The following ATPAF1 variants were observed in gnomAD, a reference collection of about 807,000 sequenced individuals.
ATPAF1 encodes the protein ATP synthase mitochondrial F1 complex assembly factor 1.
A neutral mutation model predicts 43.9 loss-of-function variants in ATPAF1; 26 were observed. That is an observed-to-expected ratio of 0.59 (90% CI 0.43 to 0.82). The LOEUF (loss-of-function observed/expected upper bound fraction) is 0.82. Ranked by LOEUF, ATPAF1 falls within the 40% of genes least tolerant of loss-of-function variation. The pLI is 0.00. For synonymous variants in ATPAF1, 157 were observed against 168.0 expected, an observed-to-expected ratio of 0.93 and a Z score of 0.50; for missense variants, 366 against 435.0, an observed-to-expected ratio of 0.84 and a Z score of 1.41.
chr1:46,666,824 T>A (rs1392913302), intron 1 of ATPAF1, among the ~76,000 whole-genome samples: 3 of 152,208 alleles, frequency 2.0e-5, no homozygotes, highest in African/African-American at 7.2e-5. Context: ...TAAATGTTGA[T>A]GGGAATGATC....
Position 46,653,751 on chromosome 1 carries a change from C to T in ATPAF1, c.540+66G>A. The T allele has an allele frequency of 1.3e-6, 2 of 1,484,946 alleles. No homozygotes were observed. The highest frequency in any genetic ancestry group is 1.8e-6 in the Non-Finnish European group (2 of 1,081,812). 92.0% of individuals were successfully genotyped at this position (1,484,946 alleles called of 1,614,324 possible). ...AACATAGGAAAAGTAAAGGCAACTG[C>T]CTGCTAAGGTTAGAGAACTGACTTT... On this transcript the variant is annotated intron_variant, in intron 5 of 8. Coordinates refer to ENST00000574428, the Ensembl canonical transcript of ATPAF1. This position sits in a 1 kb window ranked among gnomAD's most constrained non-coding sequence, Gnocchi z 4.8.
chr1:46,647,047 G>A (rs1338693153), intron 6 of ATPAF1, among the ~76,000 whole-genome samples: 2 of 152,158 alleles, frequency 1.3e-5, no homozygotes, highest in African/African-American at 4.8e-5. Context: ...CTAGTCCACC[G>A]TGTGACTTCT....
chr1:46,638,511 A>G (rs1675885537), intron 8 of ATPAF1, among the ~76,000 whole-genome samples: 1 of 151,632 alleles, frequency 6.6e-6, no homozygotes, highest in African/African-American at 2.4e-5. Flanking sequence ...AGTCCCAGCT[A>G]CTCGGGAGGC....
intron 6 of ATPAF1, among the ~76,000 whole-genome samples, chr1:46,647,184 A>C (rs1569605742): frequency 1.3e-5 from 2 of 152,190 alleles, no homozygotes; most frequent in East Asian, 3.8e-4. Flanking sequence ...TGATGACTGT[A>C]TCCACCTACA....
intron 1 of ATPAF1, chr1:46,665,827 T>C: frequency 7.0e-7 from 1 of 1,433,528 alleles, no homozygotes; most frequent in Non-Finnish European, 9.1e-7. Context: ...AGGCTTTAGG[T>C]AGCCTATTTT....
chr1:46,660,028 G>A (rs1676358264), intron 2 of ATPAF1, among the ~76,000 whole-genome samples: 1 of 150,312 alleles, frequency 6.7e-6, no homozygotes, highest in African/African-American at 2.5e-5. Context: ...CTAGGCTGGA[G>A]TGCAGTGGCA....
In ATPAF1 at chr1:46,658,747, A is replaced by G. The variant is rs1388530506; in HGVS notation, c.376-10T>C. On this transcript the variant is annotated splice_polypyrimidine_tract_variant and intron_variant, in intron 2 of 8. Transcript: ENST00000574428. ...TCCCCAAGGCATCTGTCTGAAATATATAAGACAAGATATTAATCTACACTT... is the reference window on the plus strand; with the variant it reads ...TCCCCAAGGCATCTGTCTGAAATATGTAAGACAAGATATTAATCTACACTT... 1.9e-6 allele frequency: 3 copies of G among 1,574,206 alleles called. No individual in the cohort carries two copies. Among genetic ancestry groups the G allele is most frequent in the East Asian group, 4.6e-5 (2 of 43,330 alleles).
chr1:46,642,345 CTG>C (rs1408525659), intron 8 of ATPAF1, among the ~76,000 whole-genome samples: 2 of 152,198 alleles, frequency 1.3e-5, no homozygotes, highest in African/African-American at 4.8e-5. Context: ...GTAATGAAGA[CTG>C]TTAGGGGGAA....
chr1:46,662,126 C>T (rs574393066), intron 2 of ATPAF1, among the ~76,000 whole-genome samples: 2 of 152,254 alleles, frequency 1.3e-5, no homozygotes, highest in African/African-American at 4.8e-5. Context: ...AATCTCCTGA[C>T]CTCGTGATCT....
At chr1:46,644,354 A>T (rs1676000465) in intron 7 of ATPAF1, among the ~76,000 whole-genome samples, 2 of 152,224 alleles carry the variant, frequency 1.3e-5, no homozygotes, top group African/African-American at 4.8e-5. Flanking sequence ...ATTAGAAATA[A>T]TAACAGTAAA....
At chr1:46,639,861 A>C (rs575422451) in intron 8 of ATPAF1, among the ~76,000 whole-genome samples, 80 of 152,354 alleles carry the variant, frequency 5.3e-4, no homozygotes, top group Middle Eastern at 6.8e-3. Flanking sequence ...AAATTTTAAC[A>C]ATGATGAGAA....
chr1:46,636,199 CTTTT>C (rs1047008866), intron 8 of ATPAF1: 1 of 591,684 alleles, frequency 1.7e-6, no homozygotes, highest in East Asian at 2.9e-5. Flanking sequence ...TTTTCCTTTT[CTTTT>C]TTTGTCTATT....
At chr1:46,658,549 T>G (rs953880658) in intron 3 of ATPAF1, 138 bp downstream of exon 3, 7 of 625,122 alleles carry the variant, frequency 1.1e-5, no homozygotes, top group Middle Eastern at 2.6e-4. Flanking sequence ...CATAGAAATA[T>G]TTCTCACTTC....
Position 46,653,104 on chromosome 1 carries a change from C to T in ATPAF1, c.541-476G>A, listed in dbSNP as rs1287833600. On this transcript the variant is annotated intron_variant, in intron 5 of 8. Transcript: ENST00000574428. The surrounding 1 kb of genome is among the most constrained non-coding windows in gnomAD (Gnocchi z 4.8). ...TTTATCCTTCCATCTATATGTTTTC[C>T]TCCTTAATCTTACACTTACTCATGT... 1.3e-5 allele frequency among the ~76,000 whole-genome samples: 2 copies of T among 152,090 alleles called. No individual in the cohort carries two copies. The highest frequency in any genetic ancestry group is 2.9e-5 in the Non-Finnish European group (2 of 68,022).
At chr1:46,635,518 C>T (rs2148812394) in exon 9 of ATPAF1, 1 of 460,158 alleles carries the variant, frequency 2.2e-6, no homozygotes, top group East Asian at 3.4e-5. Context: ...AGGTCCTTGG[C>T]TGTCTCTTGT....
intron 4 of ATPAF1, among the ~76,000 whole-genome samples, chr1:46,655,059 GGAA>G (rs1309178586): frequency 6.6e-6 from 1 of 152,078 alleles, no homozygotes; most frequent in African/African-American, 2.4e-5. Context: ...CATGGTGACA[GGAA>G]GAAGAATGAG....
chr1:46,635,300 A>C (rs1023264931), exon 9 of ATPAF1: 4 of 157,264 alleles, frequency 2.5e-5, no homozygotes, highest in African/African-American at 9.6e-5. Flanking sequence ...TCTACAGTTT[A>C]AACAGGATGT....
At chr1:46,644,659 A>G (rs1208250580) in intron 7 of ATPAF1, among the ~76,000 whole-genome samples, 2 of 152,200 alleles carry the variant, frequency 1.3e-5, no homozygotes, top group Non-Finnish European at 2.9e-5. Context: ...AATGTTTTGA[A>G]TCTAACTTTT....
At chr1:46,656,375 C>G (rs1396140277) in intron 4 of ATPAF1, among the ~76,000 whole-genome samples, 1 of 152,034 alleles carries the variant, frequency 6.6e-6, no homozygotes, top group East Asian at 1.9e-4. Context: ...ATATGGGGCC[C>G]CAATTGAAGA....
Sources: allele counts gnomAD v4.1 joint callset (sites outside exome capture counted in the v4.1 genomes callset), GRCh38; gene constraint gnomAD v4.1.1; non-coding constraint Gnocchi (gnomAD v3.1); transcripts MANE v1.5; gene names NCBI Gene and HGNC (gene_info 2026-07-23, HGNC 2026-07-21).